BAIAP2: variants seen among roughly 807,000 people sequenced by gnomAD.
The protein encoded by BAIAP2 is BAR/IMD domain-containing adapter protein 2.
A neutral mutation model predicts 63.0 loss-of-function variants in BAIAP2; 18 were observed. The ratio of observed to expected loss-of-function variants is 0.29; its 90% CI spans 0.20 to 0.42. The LOEUF (loss-of-function observed/expected upper bound fraction) is 0.42. Ranked by LOEUF, BAIAP2 falls within the 10% of genes least tolerant of loss-of-function variation. The probability of loss-of-function intolerance (pLI) is 1.00; values close to 1 mark genes in which losing one functional copy is unlikely to be tolerated. For missense variants in BAIAP2, 610 were observed against 734.3 expected, an observed-to-expected ratio of 0.83 and a Z score of 1.96; for synonymous variants, 386 against 307.6, an observed-to-expected ratio of 1.25 and a Z score of -2.67.
rs1287422532 is a variant in BAIAP2, at chr17:81,117,367, C to CAAACA, written c.*1534_*1538dup. On this transcript the variant is annotated 3_prime_UTR_variant, in exon 14 of 14. Coordinates refer to ENST00000428708, the MANE Select transcript of BAIAP2 (RefSeq NM_001144888.2). ...AACATTGCACCAGCGTTCTAAGCCT[C>CAAACA]AAACAAAACACAAAACAAATCCCCC... is the stretch of plus-strand genomic sequence containing the variant. 3.9e-5 allele frequency: 6 copies of CAAACA among 152,314 alleles called. No homozygotes were observed. Among genetic ancestry groups the CAAACA allele is most frequent in the African/African-American group, 1.4e-4 (6 of 41,460 alleles). 9.4% of individuals were successfully genotyped at this position (152,314 alleles called of 1,614,324 possible). A position where few individuals can be genotyped will look rare whatever the true frequency, so the allele number is the denominator to read the frequency against.
chr17:81,050,287 C>T (rs918133984), intron 1 of BAIAP2, among the ~76,000 whole-genome samples: 5 of 152,234 alleles, frequency 3.3e-5, no homozygotes, highest in Admixed American at 6.5e-5. Flanking sequence ...GCAGCACTTG[C>T]GTGTCCCGGC....
chr17:81,083,022 A>T (rs2054899172), intron 3 of BAIAP2: 1 of 152,384 alleles, frequency 6.6e-6, no homozygotes. Flanking sequence ...TGGTGAGAAG[A>T]ACCCCGCAGC....
chr17:81,061,159 T>C (rs768624179), intron 3 of BAIAP2, among the ~76,000 whole-genome samples: 10 of 152,232 alleles, frequency 6.6e-5, no homozygotes, highest in Non-Finnish European at 1.0e-4. Context: ...AGGATTCTTA[T>C]TACGGAAGAT....
intron 6 of BAIAP2, among the ~76,000 whole-genome samples, chr17:81,092,984 C>T (rs1465137640): frequency 2.6e-5 from 4 of 151,720 alleles, no homozygotes; most frequent in East Asian, 2.0e-4. Context: ...CTGTGCCCAC[C>T]GCTCGGGGGC....
intron 3 of BAIAP2, among the ~76,000 whole-genome samples, chr17:81,064,084 G>A (rs1598597382): frequency 6.6e-6 from 1 of 152,282 alleles, no homozygotes; most frequent in East Asian, 1.9e-4. Flanking sequence ...GTGTGGCCTT[G>A]TGGCCATATG....
intron 2 of BAIAP2, 145 bp from the exon 3 acceptor site, chr17:81,057,736 A>C: frequency 7.1e-7 from 1 of 1,412,900 alleles, no homozygotes; most frequent in East Asian, 2.6e-5. Flanking sequence ...TCCAACCCAG[A>C]AATCACAGCG....
rs958171378 is a variant in BAIAP2, at chr17:81,116,119, C to A, written c.*280C>A. On this transcript the variant is annotated 3_prime_UTR_variant, in exon 14 of 14. Coordinates refer to ENST00000428708, the MANE Select transcript of BAIAP2 (RefSeq NM_001144888.2). ...CGCCTCTGGTCACATGGCCATGGAG[C>A]CTTGGGTACCCCTGAGTTAAGGGAG... 1 of 1,568,206 alleles carries A rather than the reference C, an allele frequency of 6.4e-7. No individual in the cohort carries two copies. The highest frequency in any genetic ancestry group is 1.7e-5 in the Admixed American group (1 of 57,220).
chr17:81,103,582 G>A lies in BAIAP2; in HGVS notation c.723G>A (p.Val241=). 3.1e-6 allele frequency: 5 copies of A among 1,604,002 alleles called. No homozygotes were observed. Among genetic ancestry groups the A allele is most frequent in the Non-Finnish European group, 4.2e-6 (5 of 1,179,284 alleles). Residue 241 remains valine, a synonymous_variant, in exon 8 of 14, where the codon GTG becomes GTA. Coordinates refer to ENST00000428708, the MANE Select transcript of BAIAP2 (RefSeq NM_001144888.2). ...CCAGCAAGATCCCGGAGCGCGCGGTGCAGCTCATGCAGCAGGTGGCCAGCA... is the reference window on the plus strand; with the variant it reads ...CCAGCAAGATCCCGGAGCGCGCGGTACAGCTCATGCAGCAGGTGGCCAGCA... The part of the protein sequence containing the change: ...ADPSKIPERA[V]QLMQQVASNG...
chr17:81,109,591 C>G (rs934114913), intron 13 of BAIAP2: 2 of 985,338 alleles, frequency 2.0e-6, no homozygotes, highest in Non-Finnish European at 2.4e-6. Context: ...GGGCTCGTGC[C>G]AAGCTCGAGG....
chr17:81,044,551 C>T (rs181414964), intron 1 of BAIAP2, among the ~76,000 whole-genome samples: 12 of 152,348 alleles, frequency 7.9e-5, no homozygotes, highest in Admixed American at 2.0e-4. Context: ...AGTTGCACTG[C>T]GCGATGCCGG....
In BAIAP2 at chr17:81,086,583, A is replaced by G; in HGVS notation, c.489+3A>G. 5.0e-6 allele frequency: 8 copies of G among 1,612,724 alleles called. No homozygotes were observed. Among genetic ancestry groups the G allele is most frequent in the Non-Finnish European group, 6.8e-6 (8 of 1,179,942 alleles). On this transcript the variant is annotated splice_donor_region_variant and intron_variant, in intron 6 of 13. Coordinates refer to ENST00000428708, the MANE Select transcript of BAIAP2 (RefSeq NM_001144888.2). ...AGTACTCGGACAAGGAGCTGCAGGT[A>G]GGCCCGCCACCCCCGCTGTGGTGCC...
chr17:81,071,047 GT>G (rs2052541400), intron 3 of BAIAP2, among the ~76,000 whole-genome samples: 1 of 152,084 alleles, frequency 6.6e-6, no homozygotes, highest in African/African-American at 2.4e-5. Flanking sequence ...TCAGAACTGT[GT>G]GTGGGGAAGC....
At position 81,104,116 on chromosome 17, in the gene BAIAP2, CTCCGCTGGGGTGT is replaced by C. The variant is rs2145911633; in HGVS notation, c.1066+10_1066+22del. The stretch of plus-strand genomic sequence containing the variant: ...AAAACAGCTATGCCACCAGTAAGGG[CTCCGCTGGGGTGT>C]TGGGCTGGGGTCCCTGGACGTGCCT... On this transcript the variant is annotated intron_variant, in intron 9 of 13. Coordinates refer to ENST00000428708, the MANE Select transcript of BAIAP2 (RefSeq NM_001144888.2). 6.2e-7 allele frequency: 1 copy of C among 1,612,892 alleles called. No individual in the cohort carries two copies. Among genetic ancestry groups the C allele is most frequent in the East Asian group, 2.2e-5 (1 of 44,880 alleles).
In BAIAP2 at chr17:81,098,241, G is replaced by C. The variant is rs1000954670; in HGVS notation, c.490-1687G>C. 23 of 1,269,456 alleles carry C rather than the reference G, an allele frequency of 1.8e-5. No individual in the cohort carries two copies. The African/African-American group carries it at 3.2e-4, about 18-fold the overall frequency. 78.6% of individuals were successfully genotyped at this position (1,269,456 alleles called of 1,614,324 possible). ...TGCACCCATGGGCAGGCTGGGAGGC[G>C]CCTCTGCCCAGGATGGGAGCACAGT... On this transcript the variant is annotated intron_variant, in intron 6 of 13. Coordinates refer to ENST00000428708, the MANE Select transcript of BAIAP2 (RefSeq NM_001144888.2).
intron 12 of BAIAP2, chr17:81,107,673 C>T (rs1040860393): frequency 6.6e-6 from 1 of 152,408 alleles, no homozygotes; most frequent in African/African-American, 2.4e-5. Flanking sequence ...GGCCGGTCTC[C>T]AGGGCTGGGC....
At chr17:81,109,550 C>T (rs1053952140) in intron 13 of BAIAP2, 8 of 985,228 alleles carry the variant, frequency 8.1e-6, no homozygotes, top group African/African-American at 7.0e-5. Flanking sequence ...CTGGCCGCCC[C>T]GGCCCCTGTG....
intron 1 of BAIAP2, among the ~76,000 whole-genome samples, chr17:81,041,286 G>A (rs1210425042): frequency 6.6e-6 from 1 of 152,178 alleles, no homozygotes; most frequent in East Asian, 1.9e-4. Flanking sequence ...TGCTCCCAGG[G>A]TCCCTGGAGG....
chr17:81,066,060 G>C (rs889518120), intron 3 of BAIAP2, among the ~76,000 whole-genome samples: 1 of 152,250 alleles, frequency 6.6e-6, no homozygotes, highest in Non-Finnish European at 1.5e-5. Flanking sequence ...TGTGTTTCTT[G>C]TCCAACTGCT....
rs2060511794 is a variant in BAIAP2 at position 81,116,047 on chromosome 17, C to T, written c.*208C>T. On this transcript the variant is annotated 3_prime_UTR_variant, in exon 14 of 14. Transcript: ENST00000428708. ...GCGCAGGCCCCTGAAGGGCGAGACC[C>T]AGTGGCTGGGCTGCCCAGGGCTGAG... The T allele has an allele frequency of 2.1e-6, 3 of 1,460,788 alleles. No homozygotes were observed. The highest frequency in any genetic ancestry group is 1.4e-5 in the South Asian group (1 of 72,296). The allele number at this position is 1,460,788 out of a possible 1,614,324, so 90.5% of individuals were successfully genotyped here.
Sources: gnomAD v4.1 joint callset for allele counts (sites outside exome capture counted in the v4.1 genomes callset) on GRCh38, gnomAD v4.1.1 for gene constraint, MANE v1.5 for transcripts, NCBI Gene and HGNC (gene_info 2026-07-23, HGNC 2026-07-21) for gene names.